Variants in TAFA1 observed in about 807,000 individuals in gnomAD.
The protein encoded by TAFA1 is chemokine-like protein TAFA-1.
TAFA1 carries 4 observed loss-of-function variants against 18.5 expected under a neutral mutation model. The ratio of observed to expected loss-of-function variants is 0.22; its 90% confidence interval spans 0.11 to 0.49. The LOEUF (loss-of-function observed/expected upper bound fraction) is 0.49, where lower values mean the gene tolerates loss of function less well. Ranked by LOEUF, TAFA1 falls within the 20% of genes least tolerant of loss-of-function variation. TAFA1 has a pLI of 0.98. For synonymous variants in TAFA1, 56 were observed against 55.2 expected (o/e 1.01, Z -0.06); for missense variants, 147 against 169.0 (o/e 0.87, Z 0.72).
At chr3:68,434,971 G>A (rs2071244716) in intron 3 of TAFA1, among the ~76,000 whole-genome samples, 1 of 152,088 alleles carries the variant, frequency 6.6e-6, no homozygotes, top group African/African-American at 2.4e-5. Flanking sequence ...TGACCAATAG[G>A]ACATGATTTC....
chr3:68,509,094 T>C (rs1444806407), intron 3 of TAFA1, among the ~76,000 whole-genome samples: 2 of 152,068 alleles, frequency 1.3e-5, no homozygotes, highest in African/African-American at 4.8e-5. Flanking sequence ...CCAGTCTCTA[T>C]GATAAGGAAG....
chr3:68,387,375 C>G (rs2070128422), intron 2 of TAFA1, among the ~76,000 whole-genome samples: 1 of 152,058 alleles, frequency 6.6e-6, no homozygotes, highest in African/African-American at 2.4e-5. Context: ...TAAGCCTCTC[C>G]TTAAGGTCAT....
At chr3:68,387,658 T>G (rs929763767) in intron 2 of TAFA1, among the ~76,000 whole-genome samples, 1 of 152,126 alleles carries the variant, frequency 6.6e-6, no homozygotes, top group Non-Finnish European at 1.5e-5. Flanking sequence ...TTTCCTTTAG[T>G]GAGTCGTTTT....
chr3:68,284,848 G>A (rs2067966623), intron 2 of TAFA1, among the ~76,000 whole-genome samples: 1 of 152,274 alleles, frequency 6.6e-6, no homozygotes, highest in East Asian at 1.9e-4. Context: ...TGAAGTAGGA[G>A]GATTGCTGAA....
intron 3 of TAFA1, among the ~76,000 whole-genome samples, chr3:68,467,991 TA>T: frequency 6.6e-6 from 1 of 152,190 alleles, no homozygotes; most frequent in East Asian, 1.9e-4. Flanking sequence ...CTCTGTCTTT[TA>T]AAAGTAAAAA....
intron 2 of TAFA1, among the ~76,000 whole-genome samples, chr3:68,216,138 T>C (rs1179429484): frequency 6.6e-6 from 1 of 151,932 alleles, no homozygotes; most frequent in Non-Finnish European, 1.5e-5. Context: ...AAAAGATTAG[T>C]GGTTGCCAGA....
intron 2 of TAFA1, among the ~76,000 whole-genome samples, chr3:68,120,251 TTCTTTCTTTC>T (rs1198546747): frequency 5.0e-5 from 6 of 119,788 alleles, no homozygotes; most frequent in African/African-American, 1.9e-4. Flanking sequence ...CTTTCTTTCT[TTCTTTCTTTC>T]TTTTTTGAGA....
chr3:68,234,226 G>A (rs969373155), intron 2 of TAFA1, among the ~76,000 whole-genome samples: 9 of 152,160 alleles, frequency 5.9e-5, no homozygotes, highest in Admixed American at 3.9e-4. Flanking sequence ...TTTGGAAACT[G>A]CATTTGGAAT....
At chr3:68,294,208 T>C (rs1392322056) in intron 2 of TAFA1, among the ~76,000 whole-genome samples, 2 of 152,188 alleles carry the variant, frequency 1.3e-5, no homozygotes, top group Non-Finnish European at 2.9e-5. Flanking sequence ...AAGGACAGTG[T>C]AATTCCGAAC....
At chr3:68,181,703 A>G (rs1369822956) in intron 2 of TAFA1, among the ~76,000 whole-genome samples, 1 of 152,242 alleles carries the variant, frequency 6.6e-6, no homozygotes, top group Non-Finnish European at 1.5e-5. Context: ...ACAAGTTCCC[A>G]GAATACTAGA....
chr3:68,147,489 T>C (rs936871116), intron 2 of TAFA1, among the ~76,000 whole-genome samples: 1 of 152,110 alleles, frequency 6.6e-6, no homozygotes, highest in African/African-American at 2.4e-5. Context: ...GCCTTCGATC[T>C]CTAGGGCCAC....
intron 2 of TAFA1, among the ~76,000 whole-genome samples, chr3:68,391,165 A>T (rs2070233374): frequency 6.6e-6 from 1 of 152,208 alleles, no homozygotes; most frequent in African/African-American, 2.4e-5. Flanking sequence ...AGAAGAACAT[A>T]AATGACCTGA....
intron 2 of TAFA1, among the ~76,000 whole-genome samples, chr3:68,333,587 T>C (rs2068918580): frequency 6.6e-6 from 1 of 152,162 alleles, no homozygotes; most frequent in African/African-American, 2.4e-5. Flanking sequence ...TCTACCTATA[T>C]AAAAAACCTG....
chr3:68,435,547 C>A (rs2071254101), intron 3 of TAFA1, among the ~76,000 whole-genome samples: 1 of 152,040 alleles, frequency 6.6e-6, no homozygotes, highest in South Asian at 2.1e-4. Flanking sequence ...AATTTCTAAC[C>A]AATACAGAGA....
At chr3:68,239,530 C>T (rs930602554) in intron 2 of TAFA1, among the ~76,000 whole-genome samples, 1 of 82,772 alleles carries the variant, frequency 1.2e-5, no homozygotes, top group Non-Finnish European at 2.9e-5. Flanking sequence ...AACTACACCC[C>T]TAGCCTGACC....
At chr3:68,321,882 A>T (rs1055850282) in intron 2 of TAFA1, among the ~76,000 whole-genome samples, 6 of 152,238 alleles carry the variant, frequency 3.9e-5, no homozygotes, top group African/African-American at 1.4e-4. Context: ...CCAAAATATG[A>T]ATAATCACTT....
chr3:68,056,295 G>C (rs753534055), intron 2 of TAFA1, among the ~76,000 whole-genome samples: 1 of 152,104 alleles, frequency 6.6e-6, no homozygotes, highest in Non-Finnish European at 1.5e-5. Context: ...GTTCCAACCT[G>C]AGTTCTCAGG....
chr3:68,461,309 A>G (rs1365037055), intron 3 of TAFA1, among the ~76,000 whole-genome samples: 1 of 147,904 alleles, frequency 6.8e-6, no homozygotes, highest in East Asian at 2.1e-4. Flanking sequence ...AAACAAACAA[A>G]CAAACAAACC....
chr3:68,064,075 C>A (rs940474197), intron 2 of TAFA1, among the ~76,000 whole-genome samples: 5 of 152,122 alleles, frequency 3.3e-5, no homozygotes, highest in African/African-American at 1.2e-4. Context: ...AAGTTGACAA[C>A]TTAAAGAAAA....
Sources: gnomAD v4.1 joint callset for allele counts (sites outside exome capture counted in the v4.1 genomes callset) on GRCh38, gnomAD v4.1.1 for gene constraint, MANE v1.5 for transcripts, NCBI Gene and HGNC (gene_info 2026-07-23, HGNC 2026-07-21) for gene names.